Variants in BABAM2 observed in about 807,000 individuals in gnomAD.
BABAM2 encodes the protein BRISC and BRCA1 A complex member 2, also known as BRISC and BRCA1-A complex member 2.
Under a neutral mutation model 54.7 loss-of-function variants are expected in BABAM2, and 31 were observed. The observed-to-expected ratio is 0.57, with a 90% CI of 0.43 to 0.77. The LOEUF (loss-of-function observed/expected upper bound fraction) is 0.77, where lower values mean the gene tolerates loss of function less well. Among genes scored for constraint, BABAM2 ranks in the 30% least tolerant of loss-of-function variants. The pLI is 0.00. For missense variants in BABAM2, 364 were observed against 455.8 expected, an observed-to-expected ratio of 0.80 and a Z score of 1.83; for synonymous variants, 167 against 162.9, an observed-to-expected ratio of 1.03 and a Z score of -0.19.
rs777061013 is a variant in BABAM2 at position 28,327,416 on chromosome 2, G to C, written c.1089-11034G>C. On this transcript the variant is annotated intron_variant, in intron 11 of 11. Coordinates refer to ENST00000379624, the MANE Select transcript of BABAM2 (RefSeq NM_199191.3). ...GCCTCCTTGGAGGGCCTCAGAGGGA[G>C]AGAGAACTGCTCAGTAATTTTGATC... 4 of 1,606,376 alleles carry C rather than the reference G, an allele frequency of 2.5e-6. No individual in the cohort carries two copies. The Admixed American group carries it at 6.9e-5, about 28-fold the overall frequency.
At chr2:27,902,142 C>T (rs943068632) in intron 2 of BABAM2, among the ~76,000 whole-genome samples, 1 of 152,126 alleles carries the variant, frequency 6.6e-6, no homozygotes, top group Non-Finnish European at 1.5e-5. Context: ...AACATTCTCT[C>T]ACATGTGCAC....
rs142712078 is a variant in BABAM2, at chr2:28,147,345, A to G, written c.680+17965A>G. ...TTCACATCTTTGTGATAGAACTCTC[A>G]TTAAACAGATTAAGAACTTTTAAAA... On this transcript the variant is annotated intron_variant, in intron 7 of 11. Coordinates refer to ENST00000379624, the MANE Select transcript of BABAM2 (RefSeq NM_199191.3). Among the ~76,000 whole-genome samples the G allele has an allele frequency of 5.0e-3, 761 of 152,350 alleles. 4 individuals carry two copies. Among genetic ancestry groups the G allele is most frequent in the African/African-American group, 0.018 (732 of 41,574 alleles).
intron 7 of BABAM2, among the ~76,000 whole-genome samples, chr2:28,164,825 C>G (rs2147825089): frequency 6.6e-6 from 1 of 152,236 alleles, no homozygotes; most frequent in African/African-American, 2.4e-5. Flanking sequence ...GCTTCCATAA[C>G]TTTTCTTAAA....
At chr2:28,303,352 AT>A (rs1688259901) in intron 11 of BABAM2, among the ~76,000 whole-genome samples, 1 of 152,118 alleles carries the variant, frequency 6.6e-6, no homozygotes, top group South Asian at 2.1e-4. Flanking sequence ...TCTCAAATTA[AT>A]TTTTGTATAT....
chr2:28,077,238 A>C (rs955998499), intron 6 of BABAM2, among the ~76,000 whole-genome samples: 1 of 152,248 alleles, frequency 6.6e-6, no homozygotes, highest in African/African-American at 2.4e-5. Context: ...CTATATTTGA[A>C]TATCTTCTTA....
intron 7 of BABAM2, among the ~76,000 whole-genome samples, chr2:28,186,604 A>C (rs1236789777): frequency 3.3e-5 from 5 of 152,050 alleles, no homozygotes; most frequent in Admixed American, 3.3e-4. Flanking sequence ...AGACACAGAG[A>C]CAGAGACAGA....
chr2:28,296,012 G>A (rs1687665104), intron 10 of BABAM2, among the ~76,000 whole-genome samples: 1 of 152,272 alleles, frequency 6.6e-6, no homozygotes, highest in African/African-American at 2.4e-5. Context: ...GGGAGACTGA[G>A]GCACGAGAAT....
intron 2 of BABAM2, among the ~76,000 whole-genome samples, chr2:27,902,787 C>G (rs1453316286): frequency 6.6e-6 from 1 of 152,048 alleles, no homozygotes; most frequent in African/African-American, 2.4e-5. Context: ...AAGTCTGTGG[C>G]ATATATTCTT....
At chr2:28,171,593 T>C (rs11685460) in intron 7 of BABAM2, among the ~76,000 whole-genome samples, 69,500 of 152,068 alleles carry the variant, frequency 0.46, 16,742 homozygotes, top group Middle Eastern at 0.59. Flanking sequence ...TTTCTTACTA[T>C]CTTGAAGACA....
chr2:28,335,421 C>T (rs530966976), intron 11 of BABAM2, among the ~76,000 whole-genome samples: 9 of 152,284 alleles, frequency 5.9e-5, no homozygotes, highest in South Asian at 4.1e-4. Flanking sequence ...ACACCCGCCT[C>T]GGCCTCCAAA....
chr2:28,027,965 GT>G (rs1309772801), intron 5 of BABAM2, among the ~76,000 whole-genome samples: 1 of 152,044 alleles, frequency 6.6e-6, no homozygotes, highest in African/African-American at 2.4e-5. Flanking sequence ...CCAAAACTTA[GT>G]GGCTTCAAAC....
intron 6 of BABAM2, among the ~76,000 whole-genome samples, chr2:28,092,451 A>T (rs570241792): frequency 1.3e-5 from 2 of 152,222 alleles, no homozygotes; most frequent in African/African-American, 4.8e-5. Context: ...CTATATATCA[A>T]CAGAAAAACA....
At chr2:28,241,469 A>G in intron 9 of BABAM2, 76 bp downstream of exon 9, 1 of 1,380,012 alleles carries the variant, frequency 7.2e-7, no homozygotes, top group Non-Finnish European at 1.0e-6. Flanking sequence ...GGGCTTGATT[A>G]AGAAAATAGC....
intron 7 of BABAM2, among the ~76,000 whole-genome samples, chr2:28,204,988 A>C (rs1462517370): frequency 6.6e-6 from 1 of 151,880 alleles, no homozygotes; most frequent in African/African-American, 2.4e-5. Context: ...AAAAAAAAAA[A>C]CAACCTTCTT....
At chr2:28,021,890 T>G (rs1371724870) in intron 4 of BABAM2, among the ~76,000 whole-genome samples, 2 of 152,160 alleles carry the variant, frequency 1.3e-5, no homozygotes, top group Non-Finnish European at 2.9e-5. Flanking sequence ...CAGACTACAT[T>G]GTTTCTCAGT....
chr2:27,991,692 T>C (rs1365288669), intron 4 of BABAM2, among the ~76,000 whole-genome samples: 3 of 152,220 alleles, frequency 2.0e-5, no homozygotes, highest in Non-Finnish European at 4.4e-5. Context: ...ACTTAGCGTA[T>C]TGTTTTCAAT....
intron 10 of BABAM2, among the ~76,000 whole-genome samples, chr2:28,257,054 A>G (rs1045355998): frequency 2.6e-5 from 4 of 152,190 alleles, no homozygotes; most frequent in Non-Finnish European, 5.9e-5. Flanking sequence ...GCATCTCAGT[A>G]CTGGCCTGAT....
intron 10 of BABAM2, among the ~76,000 whole-genome samples, chr2:28,279,925 C>A (rs1239754465): frequency 1.3e-5 from 2 of 152,152 alleles, no homozygotes; most frequent in African/African-American, 4.8e-5. Flanking sequence ...CTTGGCCTCT[C>A]CCAAAGTGCT....
chr2:28,234,156 G>A (rs1293744220), intron 7 of BABAM2, among the ~76,000 whole-genome samples: 1 of 152,158 alleles, frequency 6.6e-6, no homozygotes, highest in East Asian at 1.9e-4. Context: ...ATGTCTAGTT[G>A]TGTGAACCTA....
Sources: allele counts gnomAD v4.1 joint callset (sites outside exome capture counted in the v4.1 genomes callset), GRCh38; gene constraint gnomAD v4.1.1; transcripts MANE v1.5; gene names NCBI Gene and HGNC (gene_info 2026-07-23, HGNC 2026-07-21).